TFAP2E: variants seen among roughly 807,000 people sequenced by gnomAD.
TFAP2E encodes transcription factor AP-2 epsilon.
A neutral mutation model predicts 37.9 loss-of-function variants in TFAP2E; 30 were observed. The ratio of observed to expected loss-of-function variants is 0.79; its 90% CI spans 0.59 to 1.07. The LOEUF is 1.07. Among genes scored for constraint, TFAP2E ranks in the 50% least tolerant of loss-of-function variants. The probability of loss-of-function intolerance (pLI) is 0.00; values close to 1 mark genes in which losing one functional copy is unlikely to be tolerated. For missense variants in TFAP2E, 567 were observed against 637.9 expected (o/e 0.89, Z 1.20); for synonymous variants, 318 against 295.8 (o/e 1.08, Z -0.77).
Position 35,573,547 on chromosome 1 carries a change from G to A in TFAP2E, c.-31G>A. 1 of 1,512,850 alleles carries A rather than the reference G, an allele frequency of 6.6e-7. No homozygotes were observed. The highest frequency in any genetic ancestry group is 2.1e-5 in the Admixed American group (1 of 46,512). 93.7% of individuals were successfully genotyped at this position (1,512,850 alleles called of 1,614,324 possible). A position where few individuals can be genotyped will look rare whatever the true frequency, so the allele number is the denominator to read the frequency against. ...GCCGTCGGGCTAGGGCTCCGCCGCCGCCACGCCTCGCGCCCGGCACTCACC... is the reference window on the plus strand; with the variant it reads ...GCCGTCGGGCTAGGGCTCCGCCGCCACCACGCCTCGCGCCCGGCACTCACC... On this transcript the variant is annotated 5_prime_UTR_variant, in exon 1 of 7. Coordinates refer to ENST00000373235, the MANE Select transcript of TFAP2E (RefSeq NM_178548.4). The surrounding 1 kb of genome is among the most constrained non-coding windows in gnomAD (Gnocchi z 5.9).
intron 3 of TFAP2E, among the ~76,000 whole-genome samples, chr1:35,581,262 C>CTT (rs1176739195): frequency 2.0e-5 from 3 of 152,174 alleles, no homozygotes; most frequent in Admixed American, 6.5e-5. Context: ...TCATAGTATG[C>CTT]CATTGTACGG....
chr1:35,584,336 C>A (rs113025166), intron 3 of TFAP2E, among the ~76,000 whole-genome samples: 1,621 of 152,078 alleles, frequency 0.011, 25 homozygotes, highest in East Asian at 0.062. Flanking sequence ...CTTCTGGGCT[C>A]AAGTGATCCT....
rs1255140907 is a variant in TFAP2E, at chr1:35,574,280, C to T, written c.381C>T (p.Asp127=). The T allele has an allele frequency of 3.5e-6, 5 of 1,421,522 alleles. No individual in the cohort carries two copies. The highest frequency in any genetic ancestry group is 4.6e-6 in the Non-Finnish European group (5 of 1,089,556). The allele number at this position is 1,421,522 out of a possible 1,614,324, so 88.1% of individuals were successfully genotyped here. A position where few individuals can be genotyped will look rare whatever the true frequency, so the allele number is the denominator to read the frequency against. ...CGCCCGCCCGCGCCCTGGGCCTTGA[C>T]CCGCGCCGTGACTATGCCACTGCCG... is the stretch of plus-strand genomic sequence containing the variant. The part of the protein sequence containing the change: ...LAPPARALGL[D]PRRDYATAVP... The change falls in exon 2 of 7, where the codon GAC becomes GAT. Residue 127 remains aspartate, a synonymous_variant. Coordinates refer to ENST00000373235, the MANE Select transcript of TFAP2E (RefSeq NM_178548.4).
At chr1:35,574,517 G>A (rs1649112988) in intron 2 of TFAP2E, 108 bp downstream of exon 2, 6 of 1,330,786 alleles carry the variant, frequency 4.5e-6, no homozygotes, top group Middle Eastern at 2.5e-4. Flanking sequence ...CTCCCAGCTC[G>A]CCACATCTCA....
intron 3 of TFAP2E, among the ~76,000 whole-genome samples, chr1:35,578,881 G>A (rs1178822099): frequency 1.3e-5 from 2 of 151,592 alleles, no homozygotes; most frequent in Non-Finnish European, 2.9e-5. Context: ...TCAAGAGTTC[G>A]AGACCAGCCT....
At chr1:35,580,354 T>A (rs1306592810) in intron 3 of TFAP2E, among the ~76,000 whole-genome samples, 2 of 152,118 alleles carry the variant, frequency 1.3e-5, no homozygotes, top group Non-Finnish European at 2.9e-5. Context: ...AGGTCACTAC[T>A]CCTCCCGTCT....
intron 3 of TFAP2E, among the ~76,000 whole-genome samples, chr1:35,575,204 C>T (rs1435384610): frequency 6.6e-6 from 1 of 152,166 alleles, no homozygotes. Flanking sequence ...TGGGCCTCAG[C>T]GGATCAGCAT....
In TFAP2E at chr1:35,590,243, T is replaced by C. The variant is rs1319689216; in HGVS notation, c.904+195T>C. 2.0e-5 allele frequency among the ~76,000 whole-genome samples: 3 copies of C among 152,184 alleles called. No individual in the cohort carries two copies. Among genetic ancestry groups the C allele is most frequent in the Non-Finnish European group, 4.4e-5 (3 of 68,030 alleles). ...TCTGTGTGTAGTCCTTGTACATGTG[T>C]GCATGCATGTGCAATGGAGACCTAC... On this transcript the variant is annotated intron_variant, in intron 5 of 6. Coordinates refer to ENST00000373235, the MANE Select transcript of TFAP2E (RefSeq NM_178548.4). This position sits in a 1 kb window ranked among gnomAD's most constrained non-coding sequence, Gnocchi z 6.2.
At position 35,594,337 on chromosome 1, in the gene TFAP2E, T is replaced by TAA; in HGVS notation, c.1047-57_1047-56insAA. ...TGTAAAATGCCTAGCATGTAGCAGGTCCTTCTCTGGGCTCAGACTTTTGTC... is the reference window on the plus strand; with the variant it reads ...TGTAAAATGCCTAGCATGTAGCAGGTAACCTTCTCTGGGCTCAGACTTTTGTC... On this transcript the variant is annotated intron_variant, in intron 6 of 6. Transcript: ENST00000373235. 1.9e-6 allele frequency: 3 copies of TAA among 1,584,934 alleles called. No individual in the cohort carries two copies. In the East Asian group the frequency reaches 6.7e-5, roughly 35 times the overall value.
chr1:35,587,455 T>C (rs1649513334), intron 3 of TFAP2E, among the ~76,000 whole-genome samples: 1 of 151,820 alleles, frequency 6.6e-6, no homozygotes, highest in African/African-American at 2.4e-5. Context: ...CTGGCCAATA[T>C]GGTGAAACCC....
intron 3 of TFAP2E, among the ~76,000 whole-genome samples, chr1:35,585,410 C>G (rs1649457095): frequency 6.6e-6 from 1 of 152,164 alleles, no homozygotes; most frequent in Non-Finnish European, 1.5e-5. Context: ...AGCCTGCCAA[C>G]CTCCCCCACA....
At chr1:35,582,524 A>C (rs1294474754) in intron 3 of TFAP2E, among the ~76,000 whole-genome samples, 2 of 118,806 alleles carry the variant, frequency 1.7e-5, no homozygotes, top group African/African-American at 3.4e-5. Context: ...TTTTTTTTTC[A>C]TAGAAACAGG....
At chr1:35,585,786 T>A (rs958900869) in intron 3 of TFAP2E, among the ~76,000 whole-genome samples, 2 of 152,192 alleles carry the variant, frequency 1.3e-5, no homozygotes, top group African/African-American at 4.8e-5. Context: ...GGCTCACCCC[T>A]TTAATTCCAG....
At chr1:35,576,131 G>A (rs539167006) in intron 3 of TFAP2E, among the ~76,000 whole-genome samples, 1 of 152,372 alleles carries the variant, frequency 6.6e-6, no homozygotes, top group African/African-American at 2.4e-5. Flanking sequence ...TTCAAGCCTG[G>A]GCTCTATTTG....
At position 35,592,499 on chromosome 1, in the gene TFAP2E, G is replaced by A. The variant is rs551363056; in HGVS notation, c.1046+1724G>A. Among the ~76,000 whole-genome samples, 5 of 152,242 alleles carry A rather than the reference G, an allele frequency of 3.3e-5. No homozygotes were observed. The East Asian group carries it at 9.6e-4, about 29-fold the overall frequency. ...TGCAACCTCCAGCTCCTGGGTTCAA[G>A]CAATTCTCCTGCCTCAGCCTCCTGA... On this transcript the variant is annotated intron_variant, in intron 6 of 6. Coordinates refer to ENST00000373235, the MANE Select transcript of TFAP2E (RefSeq NM_178548.4).
rs1164404837 is a variant in TFAP2E at position 35,574,153 on chromosome 1, G to A, written c.254G>A (p.Gly85Asp). Residue 85 changes from glycine to aspartate, a missense_variant, in exon 2 of 7, where the codon GGC (glycine) becomes GAC (aspartate). Gly to Asp is a moderately conservative substitution (Grantham distance 94). This residue lies in a region of TFAP2E where 312 missense variants were observed against 317.4 expected (regional missense o/e 0.98). Coordinates refer to ENST00000373235, the MANE Select transcript of TFAP2E (RefSeq NM_178548.4). ...CCCCACCTGGCAGGGGACCCATATGGCGGCCTGGCGCCCCTGGCGCAGCCG... is the reference window on the plus strand; with the variant it reads ...CCCCACCTGGCAGGGGACCCATATGACGGCCTGGCGCCCCTGGCGCAGCCG... Reference protein sequence around the residue: ...AFPHLAGDPYGGLAPLAQPQP... With the variant: ...AFPHLAGDPYDGLAPLAQPQP... 1.2e-5 allele frequency: 17 copies of A among 1,435,118 alleles called. No individual in the cohort carries two copies. The Admixed American group carries it at 3.2e-4, about 27-fold the overall frequency. The allele number at this position is 1,435,118 out of a possible 1,614,324, so 88.9% of individuals were successfully genotyped here.
chr1:35,573,890 C>A lies in TFAP2E; in HGVS notation c.28-37C>A. ...TTTCAGGCTGGGGTCCTTTCAGCTG[C>A]CAGTGGGTCACCTAAGGCACCCCTC... On this transcript the variant is annotated intron_variant, in intron 1 of 6. Transcript: ENST00000373235. The surrounding 1 kb of genome is among the most constrained non-coding windows in gnomAD (Gnocchi z 5.9). The A allele has an allele frequency of 7.0e-7, 1 of 1,438,786 alleles. No homozygotes were observed. Among genetic ancestry groups the A allele is most frequent in the Non-Finnish European group, 9.0e-7 (1 of 1,107,780 alleles). The allele number at this position is 1,438,786 out of a possible 1,614,324, so 89.1% of individuals were successfully genotyped here.
chr1:35,575,072 C>T, intron 3 of TFAP2E, 72 bp downstream of exon 3: 1 of 1,591,100 alleles, frequency 6.3e-7, no homozygotes, highest in Non-Finnish European at 8.6e-7. Context: ...CCATTTTCTT[C>T]ACCGGCCGTG....
At chr1:35,575,946 CAG>C (rs1649156895) in intron 3 of TFAP2E, among the ~76,000 whole-genome samples, 1 of 152,182 alleles carries the variant, frequency 6.6e-6, no homozygotes, top group Admixed American at 6.5e-5. Flanking sequence ...ACGACAAAAA[CAG>C]AGAGACAGCC....
Sources: gnomAD v4.1 joint callset for allele counts (sites outside exome capture counted in the v4.1 genomes callset) on GRCh38, gnomAD v4.1.1 for gene constraint, gnomAD v4.1.1 regional missense constraint, Gnocchi (gnomAD v3.1) non-coding constraint, MANE v1.5 for transcripts, NCBI Gene and HGNC (gene_info 2026-07-23, HGNC 2026-07-21) for gene names.